PTPRD: variants seen among roughly 807,000 people sequenced by gnomAD.
The protein encoded by PTPRD is protein tyrosine phosphatase receptor type D.
Under a neutral mutation model 214.5 loss-of-function variants are expected in PTPRD, and 34 were observed. The observed-to-expected ratio is 0.16, with a 90% CI of 0.12 to 0.21. The LOEUF is 0.21. Among genes scored for constraint, PTPRD ranks in the 10% least tolerant of loss-of-function variants. The pLI is 1.00. For synonymous variants in PTPRD, 1,128 were observed against 845.7 expected, an observed-to-expected ratio of 1.33 and a Z score of -5.79; for missense variants, 2,545 against 2,398.7, an observed-to-expected ratio of 1.06 and a Z score of -1.27.
intron 8 of PTPRD, among the ~76,000 whole-genome samples, chr9:9,567,854 A>G (rs2085067272): frequency 6.6e-6 from 1 of 152,008 alleles, no homozygotes; most frequent in South Asian, 2.1e-4. Flanking sequence ...ATTTGATAGA[A>G]GAGATGTGAA....
chr9:9,594,575 T>A (rs1246037938), intron 7 of PTPRD, among the ~76,000 whole-genome samples: 1 of 152,118 alleles, frequency 6.6e-6, no homozygotes, highest in African/African-American at 2.4e-5. Context: ...AAAGATCAGT[T>A]GGCTGTAAGT....
intron 3 of PTPRD, among the ~76,000 whole-genome samples, chr9:10,293,677 A>C (rs1407998411): frequency 1.3e-5 from 2 of 151,946 alleles, no homozygotes; most frequent in Non-Finnish European, 2.9e-5. Context: ...AGCTTAAATT[A>C]TACATCCATT....
At chr9:10,177,308 C>T (rs1013883752) in intron 3 of PTPRD, among the ~76,000 whole-genome samples, 5 of 151,382 alleles carry the variant, frequency 3.3e-5, no homozygotes, top group Admixed American at 6.6e-5. Flanking sequence ...ATTGAAGATG[C>T]CTAATAAATC....
intron 7 of PTPRD, among the ~76,000 whole-genome samples, chr9:9,601,169 G>GGA (rs982097736): frequency 3.4e-5 from 5 of 148,284 alleles, no homozygotes; most frequent in African/African-American, 1.2e-4. Flanking sequence ...GGGAGAGTGG[G>GGA]GAGAGAGAGA....
intron 3 of PTPRD, among the ~76,000 whole-genome samples, chr9:10,256,411 T>A (rs1188572248): frequency 6.6e-6 from 1 of 150,626 alleles, no homozygotes; most frequent in East Asian, 1.9e-4. Flanking sequence ...TTTTTTTTAA[T>A]AAGTAGGAGT....
chr9:8,678,752 T>G (rs2097489084), intron 12 of PTPRD, among the ~76,000 whole-genome samples: 1 of 152,164 alleles, frequency 6.6e-6, no homozygotes, highest in South Asian at 2.1e-4. Flanking sequence ...ATGTATAAAA[T>G]GACATATTTT....
At position 9,947,143 on chromosome 9, in the gene PTPRD, A is replaced by G. The variant is rs556234684; in HGVS notation, c.-471-8533T>C. On this transcript the variant is annotated intron_variant, in intron 4 of 45. Transcript: ENST00000381196. ...ACACGTCCCTTTATCATGTATTCCT[A>G]TATGTACAAGAGGCATATTCAGTAC... Among the ~76,000 whole-genome samples, 399 of 148,882 alleles carry G rather than the reference A, an allele frequency of 2.7e-3. 2 individuals carry two copies. The highest frequency in any genetic ancestry group is 8.8e-3 in the African/African-American group (358 of 40,502).
chr9:10,511,692 G>T (rs911295914), intron 2 of PTPRD, among the ~76,000 whole-genome samples: 1 of 150,910 alleles, frequency 6.6e-6, no homozygotes, highest in Non-Finnish European at 1.5e-5. Flanking sequence ...GAGATTACAG[G>T]TGGGAACCAC....
At chr9:10,464,228 T>A (rs2098978065) in intron 2 of PTPRD, among the ~76,000 whole-genome samples, 1 of 152,074 alleles carries the variant, frequency 6.6e-6, no homozygotes, top group African/African-American at 2.4e-5. Context: ...TGAAACCCCA[T>A]CTCTACTAAA....
intron 39 of PTPRD, among the ~76,000 whole-genome samples, chr9:8,368,345 G>C (rs943950347): frequency 1.3e-5 from 2 of 152,068 alleles, no homozygotes; most frequent in Admixed American, 1.3e-4. Flanking sequence ...ATAAGTGATG[G>C]GGAGATGCTC....
chr9:9,548,086 A>G (rs1005511229), intron 8 of PTPRD, among the ~76,000 whole-genome samples: 1 of 152,054 alleles, frequency 6.6e-6, no homozygotes, highest in African/African-American at 2.4e-5. Context: ...ATATTTGCTG[A>G]GCAATGTAAT....
chr9:10,229,168 A>C (rs910801993), intron 3 of PTPRD, among the ~76,000 whole-genome samples: 1 of 152,004 alleles, frequency 6.6e-6, no homozygotes, highest in Admixed American at 6.6e-5. Flanking sequence ...TCTCACACCA[A>C]TTAGAATGGC....
chr9:8,563,312 C>T (rs1280551194), intron 14 of PTPRD, among the ~76,000 whole-genome samples: 6 of 152,116 alleles, frequency 3.9e-5, no homozygotes, highest in Non-Finnish European at 8.8e-5. Flanking sequence ...TCAAAACTAT[C>T]AGACTGTATG....
chr9:10,342,109 G>A lies in PTPRD; in HGVS notation c.-599-1092C>T, dbSNP rs1380965764. On this transcript the variant is annotated intron_variant, in intron 2 of 45. Coordinates refer to ENST00000381196, the MANE Select transcript of PTPRD (RefSeq NM_002839.4). Reference sequence around the variant, plus strand: ...CAGTAGGTAGTCTTTTTGGCCCAAAGAAACTTGAGTATCAATCTGATTCAT... The same window carrying A: ...CAGTAGGTAGTCTTTTTGGCCCAAAAAAACTTGAGTATCAATCTGATTCAT... 5.3e-5 allele frequency among the ~76,000 whole-genome samples: 8 copies of A among 152,114 alleles called. No individual in the cohort carries two copies. The East Asian group carries it at 1.6e-3, about 29-fold the overall frequency.
intron 9 of PTPRD, among the ~76,000 whole-genome samples, chr9:9,216,736 G>C (rs1012834516): frequency 6.6e-6 from 1 of 151,978 alleles, no homozygotes; most frequent in African/African-American, 2.4e-5. Flanking sequence ...TTTTATTTTA[G>C]AATGAAACAA....
intron 2 of PTPRD, among the ~76,000 whole-genome samples, chr9:10,358,776 A>G (rs1227711325): frequency 6.6e-6 from 1 of 152,014 alleles, no homozygotes; most frequent in African/African-American, 2.4e-5. Flanking sequence ...TTCATTTGAT[A>G]GAAAATTAAT....
intron 2 of PTPRD, among the ~76,000 whole-genome samples, chr9:10,516,456 T>A (rs974586962): frequency 1.3e-5 from 2 of 151,982 alleles, no homozygotes; most frequent in Admixed American, 1.3e-4. Context: ...GAGTTCCTTA[T>A]GTATATTAAA....
At chr9:9,271,294 A>G (rs566658273) in intron 9 of PTPRD, among the ~76,000 whole-genome samples, 38 of 151,340 alleles carry the variant, frequency 2.5e-4, no homozygotes, top group African/African-American at 8.4e-4. Context: ...CTTAAAAAAA[A>G]AAAACATCTG....
rs73422308 is a variant in PTPRD at position 8,424,705 on chromosome 9, G to A, written c.4086+11887C>T. Among the ~76,000 whole-genome samples the A allele has an allele frequency of 2.3e-3, 354 of 152,000 alleles. 1 individual carries two copies. Among genetic ancestry groups the A allele is most frequent in the African/African-American group, 8.4e-3 (348 of 41,452 alleles). Reference sequence around the variant, plus strand: ...ACTGGGAAGAAAAGGGAAGGAAAGAGGAAGAGAAGGGGAATAAAAGAATGA... The same window carrying A: ...ACTGGGAAGAAAAGGGAAGGAAAGAAGAAGAGAAGGGGAATAAAAGAATGA... On this transcript the variant is annotated intron_variant, in intron 35 of 45. Coordinates refer to ENST00000381196, the MANE Select transcript of PTPRD (RefSeq NM_002839.4).
Sources: gnomAD v4.1 joint callset for allele counts (sites outside exome capture counted in the v4.1 genomes callset) on GRCh38, gnomAD v4.1.1 for gene constraint, MANE v1.5 for transcripts, NCBI Gene and HGNC (gene_info 2026-07-23, HGNC 2026-07-21) for gene names.